The following PPP4R3B variants were observed in gnomAD, a reference collection of about 807,000 sequenced individuals.
The protein encoded by PPP4R3B is protein phosphatase 4 regulatory subunit 3B.
Under a neutral mutation model 95.4 loss-of-function variants are expected in PPP4R3B, and 52 were observed. The ratio of observed to expected loss-of-function variants is 0.54; its 90% CI spans 0.44 to 0.69. The LOEUF is 0.69. PPP4R3B is among the 30% of genes least tolerant of loss of function. The pLI is 0.00. For synonymous variants in PPP4R3B, 407 were observed against 343.9 expected, an observed-to-expected ratio of 1.18 and a Z score of -2.03; for missense variants, 1,003 against 1,005.9, an observed-to-expected ratio of 1.00 and a Z score of 0.04.
At chr2:55,580,665 T>A (rs895961508) in intron 8 of PPP4R3B, among the ~76,000 whole-genome samples, 1 of 152,314 alleles carries the variant, frequency 6.6e-6, no homozygotes, top group Non-Finnish European at 1.5e-5. Flanking sequence ...CTTTGAAAAT[T>A]TGGAAAATAA....
chr2:55,597,996 C>T (rs1191476520), intron 4 of PPP4R3B, among the ~76,000 whole-genome samples: 7 of 151,840 alleles, frequency 4.6e-5, no homozygotes, highest in African/African-American at 9.7e-5. Context: ...GGCGGGCGGA[C>T]TGCCTGAGCT....
intron 4 of PPP4R3B, chr2:55,591,462 T>G (rs565412744): frequency 1.1e-6 from 1 of 934,434 alleles, no homozygotes; most frequent in South Asian, 4.9e-5. Flanking sequence ...CAAATACTTT[T>G]AGTCTTAATA....
chr2:55,567,753 A>T (rs911468162), intron 13 of PPP4R3B, among the ~76,000 whole-genome samples: 2 of 152,122 alleles, frequency 1.3e-5, no homozygotes, highest in Admixed American at 1.3e-4. Flanking sequence ...ATTCTTTTTA[A>T]ATCATTACCT....
At chr2:55,556,747 T>C (rs1315860614) in intron 16 of PPP4R3B, among the ~76,000 whole-genome samples, 1 of 152,164 alleles carries the variant, frequency 6.6e-6, no homozygotes, top group Non-Finnish European at 1.5e-5. Flanking sequence ...GCTTATAAAG[T>C]AGGTACTACC....
chr2:55,569,175 C>G (rs56364936), intron 12 of PPP4R3B, among the ~76,000 whole-genome samples: 2 of 152,116 alleles, frequency 1.3e-5, no homozygotes, highest in Non-Finnish European at 2.9e-5. Context: ...ACCAAAAGAC[C>G]GGACAGGGCC....
chr2:55,569,442 C>T lies in PPP4R3B; in HGVS notation c.1766-1079G>A, dbSNP rs537049341. ...ATTGTTTCCCTGTGATGCTGTGCTTCAGGGGTCACGCTCCTAGTCCACCTT... is the reference window on the plus strand; with the variant it reads ...ATTGTTTCCCTGTGATGCTGTGCTTTAGGGGTCACGCTCCTAGTCCACCTT... On this transcript the variant is annotated intron_variant, in intron 12 of 16. Coordinates refer to ENST00000616407, the MANE Select transcript of PPP4R3B (RefSeq NM_001122964.3). Among the ~76,000 whole-genome samples the T allele has an allele frequency of 3.3e-5, 5 of 152,354 alleles. No homozygotes were observed. In the South Asian group the frequency reaches 1.0e-3, roughly 32 times the overall value.
chr2:55,587,200 G>C (rs1690261877), intron 5 of PPP4R3B, among the ~76,000 whole-genome samples: 1 of 152,196 alleles, frequency 6.6e-6, no homozygotes, highest in Admixed American at 6.5e-5. Context: ...TGGTCTATTA[G>C]TATGCAAAAA....
At chr2:55,581,900 C>T (rs986295521) in intron 7 of PPP4R3B, among the ~76,000 whole-genome samples, 10 of 149,656 alleles carry the variant, frequency 6.7e-5, no homozygotes, top group African/African-American at 2.2e-4. Context: ...AATCCCACTC[C>T]GAGAAAAAAA....
At chr2:55,591,491 A>C (rs1342391141) in intron 4 of PPP4R3B, 3 of 975,650 alleles carry the variant, frequency 3.1e-6, no homozygotes, top group Non-Finnish European at 3.7e-6. Context: ...TAGGGTGAGT[A>C]AGTACATATT....
Position 55,550,023 on chromosome 2 carries a change from A to G in PPP4R3B, c.2455-17T>C, listed in dbSNP as rs1439847971. 3 of 1,573,742 alleles carry G rather than the reference A, an allele frequency of 1.9e-6. No individual in the cohort carries two copies. The African/African-American group carries it at 4.1e-5, about 22-fold the overall frequency. On this transcript the variant is annotated splice_polypyrimidine_tract_variant and intron_variant, in intron 16 of 16. Transcript: ENST00000616407. ...CAAACTTCCCTATTGAAGAATTTAAAAATTTTTTCTTTAAACATATATAAC... is the reference window on the plus strand; with the variant it reads ...CAAACTTCCCTATTGAAGAATTTAAGAATTTTTTCTTTAAACATATATAAC...
intron 16 of PPP4R3B, among the ~76,000 whole-genome samples, chr2:55,554,851 T>A (rs1041683590): frequency 3.0e-4 from 45 of 152,310 alleles, no homozygotes; most frequent in African/African-American, 9.6e-4. Flanking sequence ...TGCCTTTTTT[T>A]AAAAAAGAGT....
chr2:55,608,322 A>C (rs1267460027), intron 2 of PPP4R3B, among the ~76,000 whole-genome samples: 2 of 152,072 alleles, frequency 1.3e-5, no homozygotes, highest in Non-Finnish European at 2.9e-5. Context: ...CTTAACTTTA[A>C]ATTCTTTTCT....
chr2:55,612,626 C>T (rs1050361414), intron 2 of PPP4R3B, among the ~76,000 whole-genome samples: 1 of 151,878 alleles, frequency 6.6e-6, no homozygotes, highest in African/African-American at 2.4e-5. Flanking sequence ...ATAACGAGAC[C>T]CCATCTTTAC....
At chr2:55,588,852 T>C (rs1690552876) in intron 5 of PPP4R3B, 27 bp downstream of exon 5, 2 of 1,522,804 alleles carry the variant, frequency 1.3e-6, no homozygotes, top group African/African-American at 1.4e-5. Context: ...ATAAGTGCTC[T>C]TTAAGAGTTT....
At chr2:55,552,807 T>G (rs759360592) in intron 16 of PPP4R3B, among the ~76,000 whole-genome samples, 3 of 152,122 alleles carry the variant, frequency 2.0e-5, no homozygotes, top group Non-Finnish European at 4.4e-5. Flanking sequence ...CAGTTTAGAG[T>G]TGCCAAGGCA....
chr2:55,564,468 AATCTGTTAC>A lies in PPP4R3B; in HGVS notation c.2096_2104del (p.Ser699_Phe702delinsIle). 1 of 1,612,110 alleles carries A rather than the reference AATCTGTTAC, an allele frequency of 6.2e-7. No homozygotes were observed. Among genetic ancestry groups the A allele is most frequent in the Non-Finnish European group, 8.5e-7 (1 of 1,179,394 alleles). On this transcript the variant is annotated inframe_deletion, in exon 15 of 17. Transcript: ENST00000616407. Reference sequence around the variant, plus strand: ...TTCCAAGGCTTTTGCATCTCTGCGAAATCTGTTACTACGCAATATAGATGGTACACTGTA... The same window carrying A: ...TTCCAAGGCTTTTGCATCTCTGCGAATACGCAATATAGATGGTACACTGTA...
At chr2:55,569,642 C>T (rs1461456627) in intron 12 of PPP4R3B, among the ~76,000 whole-genome samples, 1 of 152,132 alleles carries the variant, frequency 6.6e-6, no homozygotes, top group Non-Finnish European at 1.5e-5. Context: ...GACACGTGAC[C>T]CATGTGGCCT....
At chr2:55,584,461 C>G (rs576309200) in intron 7 of PPP4R3B, among the ~76,000 whole-genome samples, 5 of 152,152 alleles carry the variant, frequency 3.3e-5, no homozygotes, top group Admixed American at 1.3e-4. Context: ...GCAGTATACA[C>G]TGCACCCTAT....
At chr2:55,599,148 G>C in intron 3 of PPP4R3B, 109 bp from the exon 4 acceptor site, 3 of 1,060,770 alleles carry the variant, frequency 2.8e-6, no homozygotes, top group Non-Finnish European at 4.0e-6. Context: ...AATTAAAAGT[G>C]AAGTCTAGGC....
Sources: gnomAD v4.1 joint callset for allele counts (sites outside exome capture counted in the v4.1 genomes callset) on GRCh38, gnomAD v4.1.1 for gene constraint, MANE v1.5 for transcripts, NCBI Gene and HGNC (gene_info 2026-07-23, HGNC 2026-07-21) for gene names.